TBC1D2B: variants seen among roughly 807,000 people sequenced by gnomAD.
TBC1D2B encodes the protein TBC1 domain family, member 2B.
TBC1D2B carries 64 observed loss-of-function variants against 100.8 expected under a neutral mutation model. That is an observed-to-expected ratio of 0.64 (90% CI 0.52 to 0.78). The LOEUF (loss-of-function observed/expected upper bound fraction) is 0.78. TBC1D2B is among the 30% of genes least tolerant of loss of function. The probability of loss-of-function intolerance (pLI) is 0.00; values close to 1 mark genes in which losing one functional copy is unlikely to be tolerated. For missense variants in TBC1D2B, 1,052 were observed against 1,218.4 expected, an observed-to-expected ratio of 0.86 and a Z score of 2.03; for synonymous variants, 480 against 479.7, an observed-to-expected ratio of 1.00 and a Z score of -0.01.
intron 7 of TBC1D2B, chr15:78,016,954 G>A: frequency 4.1e-6 from 2 of 491,102 alleles, no homozygotes; most frequent in Non-Finnish European, 7.2e-6. Flanking sequence ...TAGAAGGAGT[G>A]CTGATAATCA....
intron 1 of TBC1D2B, among the ~76,000 whole-genome samples, chr15:78,054,950 T>TA (rs955440165): frequency 2.9e-4 from 44 of 152,070 alleles, no homozygotes; most frequent in African/African-American, 7.7e-4. Flanking sequence ...GAGAAAGGAT[T>TA]AAAAAAAACT....
intron 10 of TBC1D2B, among the ~76,000 whole-genome samples, chr15:78,008,643 G>C (rs2072136548): frequency 6.6e-6 from 1 of 152,204 alleles, no homozygotes; most frequent in Non-Finnish European, 1.5e-5. Context: ...ATTGCTTCTT[G>C]AGAGCCTGAG....
intron 10 of TBC1D2B, 123 bp from the exon 11 acceptor site, chr15:78,003,613 A>C: frequency 1.5e-6 from 1 of 688,196 alleles, no homozygotes; most frequent in East Asian, 2.7e-5. Context: ...CAACTGTTCC[A>C]AATGCACCGT....
chr15:78,043,850 C>A (rs1397534490), intron 3 of TBC1D2B, among the ~76,000 whole-genome samples: 4 of 151,770 alleles, frequency 2.6e-5, no homozygotes, highest in African/African-American at 9.7e-5. Context: ...TAGAGGGAAC[C>A]CTGTCTCTAC....
chr15:78,022,516 T>TA (rs2072540537), intron 6 of TBC1D2B, among the ~76,000 whole-genome samples: 1 of 151,486 alleles, frequency 6.6e-6, no homozygotes, highest in Non-Finnish European at 1.5e-5. Flanking sequence ...GACCTCTTAT[T>TA]AAAAAAACAA....
intron 6 of TBC1D2B, among the ~76,000 whole-genome samples, chr15:78,022,715 A>ATT (rs60606952): frequency 2.1e-5 from 3 of 145,926 alleles, no homozygotes; most frequent in Non-Finnish European, 3.0e-5. Flanking sequence ...ATGCCTGGCC[A>ATT]TTTTTTTTTT....
chr15:78,026,153 T>TG (rs970523640), intron 4 of TBC1D2B, among the ~76,000 whole-genome samples: 1 of 73,544 alleles, frequency 1.4e-5, no homozygotes, highest in African/African-American at 3.0e-5. Flanking sequence ...TTTTTGTTGT[T>TG]TTTTTTTTTT....
In TBC1D2B at chr15:78,056,686, CTTTTTTTTTTT is replaced by C. The variant is rs368714497; in HGVS notation, c.361-2510_361-2500del. ...AGCCCAAAGCCCACCCAGTCCTCCT[CTTTTTTTTTTT>C]TTTTTTTTTTTTTTTTTTTTGCAGA... On this transcript the variant is annotated intron_variant, in intron 1 of 12. Transcript: ENST00000300584. Among the ~76,000 whole-genome samples, 212 of 112,918 alleles carry C rather than the reference CTTTTTTTTTTT, an allele frequency of 1.9e-3. 1 individual carries two copies. Among genetic ancestry groups the C allele is most frequent in the African/African-American group, 6.9e-3 (175 of 25,300 alleles). 74.1% of individuals were successfully genotyped at this position (112,918 alleles called of 152,430 possible).
In TBC1D2B at chr15:78,064,888, T is replaced by C. The variant is rs1469931517; in HGVS notation, c.361-10701A>G. Among the ~76,000 whole-genome samples, 10 of 152,350 alleles carry C rather than the reference T, an allele frequency of 6.6e-5. No individual in the cohort carries two copies. In the South Asian group the frequency reaches 2.1e-3, roughly 32 times the overall value. ...TGGAATACAAGGTCACAAACCTCCA[T>C]TCCTCTACTGAACATAACAAATTCT... On this transcript the variant is annotated intron_variant, in intron 1 of 12. Coordinates refer to ENST00000300584, the MANE Select transcript of TBC1D2B (RefSeq NM_144572.2).
chr15:78,003,515 G>A (rs1349804348), intron 10 of TBC1D2B, 25 bp from the exon 11 acceptor site: 2 of 1,588,724 alleles, frequency 1.3e-6, no homozygotes, highest in South Asian at 2.2e-5. Flanking sequence ...AAGGGGAGAA[G>A]TGTATCAGGC....
At chr15:78,055,754 G>T (rs2073409051) in intron 1 of TBC1D2B, among the ~76,000 whole-genome samples, 2 of 152,218 alleles carry the variant, frequency 1.3e-5, no homozygotes, top group African/African-American at 4.8e-5. Context: ...TACCAGCCAA[G>T]TTGCCATTTC....
At chr15:78,075,713 G>A (rs12899061) in intron 1 of TBC1D2B, among the ~76,000 whole-genome samples, 84,812 of 152,058 alleles carry the variant, frequency 0.56, 23,772 homozygotes, top group East Asian at 0.63. Flanking sequence ...ACTGCAACCC[G>A]AGTTGGTTTT....
intron 3 of TBC1D2B, among the ~76,000 whole-genome samples, chr15:78,031,930 C>G (rs1009959977): frequency 6.6e-6 from 1 of 152,122 alleles, no homozygotes; most frequent in African/African-American, 2.4e-5. Flanking sequence ...GTTTCCAGGC[C>G]AGGCTGCAGG....
chr15:78,065,590 TG>T (rs2073639568), intron 1 of TBC1D2B, among the ~76,000 whole-genome samples: 1 of 152,192 alleles, frequency 6.6e-6, no homozygotes, highest in Admixed American at 6.5e-5. Context: ...GCTCTGCCAT[TG>T]CACAATGTGA....
chr15:78,019,018 G>A (rs1489625246), intron 6 of TBC1D2B, among the ~76,000 whole-genome samples: 1 of 152,016 alleles, frequency 6.6e-6, no homozygotes, highest in East Asian at 1.9e-4. Context: ...AAGAAATTAT[G>A]TTCAAGACAG....
At chr15:78,038,354 G>C (rs537859832) in intron 3 of TBC1D2B, among the ~76,000 whole-genome samples, 89 of 152,358 alleles carry the variant, frequency 5.8e-4, no homozygotes, top group African/African-American at 2.1e-3. Flanking sequence ...AACAGAGAAG[G>C]CTTCTCTGAA....
Position 78,061,075 on chromosome 15 carries a change from G to A in TBC1D2B, c.361-6888C>T, listed in dbSNP as rs914364128. ...AGCCTGGGCAATATGGTAAAACCTC[G>A]TCTCTATTAGAAATATAAATTTACC... On this transcript the variant is annotated intron_variant, in intron 1 of 12. Transcript: ENST00000300584. Among the ~76,000 whole-genome samples, 3 of 143,048 alleles carry A rather than the reference G, an allele frequency of 2.1e-5. No homozygotes were observed. In the Admixed American group the frequency reaches 2.1e-4, roughly 10 times the overall value. 93.8% of individuals were successfully genotyped at this position (143,048 alleles called of 152,430 possible). A position where few individuals can be genotyped will look rare whatever the true frequency, so the allele number is the denominator to read the frequency against.
chr15:78,075,726 T>C (rs567830450), intron 1 of TBC1D2B, among the ~76,000 whole-genome samples: 2 of 152,210 alleles, frequency 1.3e-5, no homozygotes, highest in South Asian at 2.1e-4. Flanking sequence ...TTGGTTTTCT[T>C]TGGGGAAACA....
At chr15:78,001,555 T>C in intron 12 of TBC1D2B, 64 bp downstream of exon 12, 1 of 1,530,846 alleles carries the variant, frequency 6.5e-7, no homozygotes, top group East Asian at 2.4e-5. Flanking sequence ...GACAGGCTGC[T>C]CTCAAGGAGG....
Sources: allele counts gnomAD v4.1 joint callset (sites outside exome capture counted in the v4.1 genomes callset), GRCh38; gene constraint gnomAD v4.1.1; transcripts MANE v1.5; gene names NCBI Gene and HGNC (gene_info 2026-07-23, HGNC 2026-07-21).